Variants in SEC14L1 observed in about 807,000 individuals in gnomAD.
SEC14L1 encodes SEC14-like protein 1.
SEC14L1 carries 48 observed loss-of-function variants against 85.3 expected under a neutral mutation model. That is an observed-to-expected ratio of 0.56 (90% confidence interval 0.45 to 0.72). The LOEUF (loss-of-function observed/expected upper bound fraction) is 0.72. SEC14L1 is among the 30% of genes least tolerant of loss of function. The probability of loss-of-function intolerance (pLI) is 0.00; values close to 1 mark genes in which losing one functional copy is unlikely to be tolerated. For synonymous variants in SEC14L1, 391 were observed against 355.5 expected, an observed-to-expected ratio of 1.10 and a Z score of -1.12; for missense variants, 682 against 921.4, an observed-to-expected ratio of 0.74 and a Z score of 3.36.
rs1373258978 is a variant in SEC14L1, at chr17:77,214,230, A to G, written c.*207A>G. The G allele has an allele frequency of 7.2e-7, 1 of 1,383,494 alleles. No homozygotes were observed. The highest frequency in any genetic ancestry group is 9.3e-7 in the Non-Finnish European group (1 of 1,071,946). 85.7% of individuals were successfully genotyped at this position (1,383,494 alleles called of 1,614,324 possible). ...CTGATCCTAACTTAACTCAATAGCCATAGATTTTGTATACGTTGTGCACAA... is the reference window on the plus strand; with the variant it reads ...CTGATCCTAACTTAACTCAATAGCCGTAGATTTTGTATACGTTGTGCACAA... On this transcript the variant is annotated 3_prime_UTR_variant, in exon 17 of 17. Coordinates refer to ENST00000436233, the MANE Select transcript of SEC14L1 (RefSeq NM_001143998.2).
At chr17:77,090,387 G>C (rs983010171) in intron 2 of SEC14L1, among the ~76,000 whole-genome samples, 1 of 151,712 alleles carries the variant, frequency 6.6e-6, no homozygotes, top group African/African-American at 2.4e-5. Flanking sequence ...GGGTGTGGTG[G>C]CTCACACCTG....
At chr17:77,195,118 G>A (rs1046977507) in intron 7 of SEC14L1, 10 of 568,472 alleles carry the variant, frequency 1.8e-5, no homozygotes, top group African/African-American at 1.5e-4. Flanking sequence ...TAATAGGAAG[G>A]ATTATATCAA....
chr17:77,137,383 G>A (rs1358785294), upstream of SEC14L1, among the ~76,000 whole-genome samples: 1 of 152,180 alleles, frequency 6.6e-6, no homozygotes, highest in South Asian at 2.1e-4. Flanking sequence ...CATGGTGAAA[G>A]CAGGCAGAAG....
At chr17:77,196,474 C>T (rs1975811911) in intron 8 of SEC14L1, among the ~76,000 whole-genome samples, 163 bp downstream of exon 8, 2 of 152,170 alleles carry the variant, frequency 1.3e-5, no homozygotes, top group Non-Finnish European at 2.9e-5. Flanking sequence ...GAATCTAAGT[C>T]GTTTATAGCA....
At chr17:77,171,604 G>A (rs973619611) in intron 3 of SEC14L1, among the ~76,000 whole-genome samples, 1 of 152,164 alleles carries the variant, frequency 6.6e-6, no homozygotes, top group South Asian at 2.1e-4. Flanking sequence ...ATGAGGCCTT[G>A]CTCTGTTCAA....
At chr17:77,134,006 G>A (rs988182753) in intron 3 of SEC14L1, among the ~76,000 whole-genome samples, 4 of 150,722 alleles carry the variant, frequency 2.7e-5, no homozygotes, top group South Asian at 2.1e-4. Context: ...GCCCACTCTC[G>A]TAATTCGACT....
intron 3 of SEC14L1, among the ~76,000 whole-genome samples, chr17:77,156,302 C>T (rs373529284): frequency 1.3e-5 from 2 of 152,076 alleles, no homozygotes; most frequent in East Asian, 1.9e-4. Context: ...CGGCCAGGCA[C>T]GGTGGCTCAC....
At chr17:77,137,184 C>T (rs1303726337), upstream of SEC14L1, among the ~76,000 whole-genome samples, 1 of 152,202 alleles carries the variant, frequency 6.6e-6, no homozygotes, top group Non-Finnish European at 1.5e-5. Context: ...GCTGGGATTA[C>T]AAGCGTGAGC....
intron 3 of SEC14L1, among the ~76,000 whole-genome samples, chr17:77,163,213 T>A (rs1974145692): frequency 6.6e-6 from 1 of 152,070 alleles, no homozygotes; most frequent in Non-Finnish European, 1.5e-5. Flanking sequence ...CGAATTGGAC[T>A]TACCCTGTCA....
At position 77,214,231 on chromosome 17, in the gene SEC14L1, TA is replaced by T; in HGVS notation, c.*209del. ...TGATCCTAACTTAACTCAATAGCCATAGATTTTGTATACGTTGTGCACAAAA... is the reference window on the plus strand; with the variant it reads ...TGATCCTAACTTAACTCAATAGCCATGATTTTGTATACGTTGTGCACAAAA... On this transcript the variant is annotated 3_prime_UTR_variant, in exon 17 of 17. Coordinates refer to ENST00000436233, the MANE Select transcript of SEC14L1 (RefSeq NM_001143998.2). 7.2e-7 allele frequency: 1 copy of T among 1,379,878 alleles called. No individual in the cohort carries two copies. The highest frequency in any genetic ancestry group is 1.5e-5 in the African/African-American group (1 of 68,844). 85.5% of individuals were successfully genotyped at this position (1,379,878 alleles called of 1,614,324 possible). A position where few individuals can be genotyped will look rare whatever the true frequency, so the allele number is the denominator to read the frequency against.
intron 3 of SEC14L1, among the ~76,000 whole-genome samples, chr17:77,163,457 A>G (rs1054036573): frequency 3.3e-5 from 5 of 151,538 alleles, no homozygotes; most frequent in African/African-American, 9.7e-5. Context: ...ACAGTATGTC[A>G]CCTTTCTTTC....
intron 5 of SEC14L1, among the ~76,000 whole-genome samples, chr17:77,191,661 G>C (rs1016100301): frequency 1.3e-5 from 2 of 152,080 alleles, no homozygotes; most frequent in Non-Finnish European, 2.9e-5. Flanking sequence ...TCCTGCCTCA[G>C]CCTCCCTAGT....
At chr17:77,101,259 A>AC (rs1314325080) in intron 3 of SEC14L1, among the ~76,000 whole-genome samples, 1 of 151,356 alleles carries the variant, frequency 6.6e-6, no homozygotes, top group Non-Finnish European at 1.5e-5. Context: ...ATCTCGGCTC[A>AC]CTGCAACCCC....
chr17:77,199,970 A>G (rs1346750102), intron 8 of SEC14L1, among the ~76,000 whole-genome samples: 2 of 152,168 alleles, frequency 1.3e-5, no homozygotes, highest in Non-Finnish European at 2.9e-5. Flanking sequence ...GGCGTTTGAG[A>G]CCAGCCTGGG....
chr17:77,191,012 G>C, intron 4 of SEC14L1, 60 bp downstream of exon 4: 1 of 1,593,520 alleles, frequency 6.3e-7, no homozygotes, highest in African/African-American at 1.3e-5. Flanking sequence ...AGGGCGTCCT[G>C]GTGGGAGAGG....
intron 3 of SEC14L1, 59 bp from the exon 4 acceptor site, chr17:77,190,744 G>C: frequency 6.3e-7 from 1 of 1,578,154 alleles, no homozygotes. Context: ...CACAGTCAGC[G>C]GCAGGACATC....
intron 3 of SEC14L1, among the ~76,000 whole-genome samples, chr17:77,100,593 C>T (rs595991): frequency 0.26 from 38,729 of 151,368 alleles, 5,043 homozygotes; most frequent in South Asian, 0.43. Flanking sequence ...CCCACCACCA[C>T]GCCCGGCTAA....
intron 3 of SEC14L1, among the ~76,000 whole-genome samples, chr17:77,156,138 T>C (rs1441971804): frequency 6.6e-6 from 1 of 152,172 alleles, no homozygotes; most frequent in East Asian, 1.9e-4. Flanking sequence ...CTGCATGCAG[T>C]TGCTCCTGGT....
intron 1 of SEC14L1, chr17:77,141,733 C>A (rs1809706695): frequency 6.6e-6 from 1 of 152,208 alleles, no homozygotes; most frequent in African/African-American, 2.4e-5. Flanking sequence ...TGAGTGTAGC[C>A]AGTTCTGCCA....
Sources: gnomAD v4.1 joint callset for allele counts (sites outside exome capture counted in the v4.1 genomes callset) on GRCh38, gnomAD v4.1.1 for gene constraint, MANE v1.5 for transcripts, NCBI Gene and HGNC (gene_info 2026-07-23, HGNC 2026-07-21) for gene names.